The following RERE variants were observed in gnomAD, a reference collection of about 807,000 sequenced individuals.
RERE encodes the protein arginine-glutamic acid dipeptide repeats, also known as arginine-glutamic acid dipeptide repeats protein.
RERE carries 40 observed loss-of-function variants against 146.1 expected under a neutral mutation model. That is an observed-to-expected ratio of 0.27 (90% CI 0.21 to 0.36). RERE has a LOEUF of 0.36. RERE is among the 10% of genes least tolerant of loss of function. The pLI is 1.00. For synonymous variants in RERE, 1,003 were observed against 866.0 expected (o/e 1.16, Z -2.78); for missense variants, 1,933 against 2,138.7 (o/e 0.90, Z 1.90).
chr1:8,403,526 C>G (rs1047001032), intron 12 of RERE, among the ~76,000 whole-genome samples: 1 of 151,310 alleles, frequency 6.6e-6, no homozygotes, highest in Admixed American at 6.6e-5. Flanking sequence ...CCACCACACC[C>G]AGCTAATTTT....
chr1:8,362,613 G>A lies in RERE; in HGVS notation c.1902+70C>T, dbSNP rs778092834. 116 of 1,586,486 alleles carry A rather than the reference G, an allele frequency of 7.3e-5. 1 individual carries two copies. Among genetic ancestry groups the A allele is most frequent in the Non-Finnish European group, 8.9e-5 (103 of 1,157,292 alleles). On this transcript the variant is annotated intron_variant, in intron 16 of 22. Transcript: ENST00000400908. ...CCTCGTGTCTGAGGGAGCTGATCAC[G>A]AATACCAGCAAACCAGTTTTAATGT...
At chr1:8,561,707 A>G (rs930520091) in intron 4 of RERE, among the ~76,000 whole-genome samples, 6 of 152,216 alleles carry the variant, frequency 3.9e-5, no homozygotes, top group Admixed American at 3.3e-4. Flanking sequence ...TTAAAATGTC[A>G]CCTTCAGTGG....
intron 11 of RERE, among the ~76,000 whole-genome samples, chr1:8,451,276 C>A (rs1644387525): frequency 6.6e-6 from 1 of 152,128 alleles, no homozygotes; most frequent in Admixed American, 6.5e-5. Context: ...ACTAAAAATA[C>A]AAAAATTAGC....
intron 10 of RERE, among the ~76,000 whole-genome samples, chr1:8,469,045 C>A (rs902510518): frequency 3.9e-5 from 6 of 151,950 alleles, no homozygotes; most frequent in Non-Finnish European, 8.8e-5. Flanking sequence ...CATTTTTGTG[C>A]CTTAATTTTG....
intron 7 of RERE, among the ~76,000 whole-genome samples, chr1:8,524,924 G>C (rs868283847): frequency 2.0e-5 from 3 of 152,160 alleles, no homozygotes; most frequent in African/African-American, 7.2e-5. Flanking sequence ...CTCCATTTAA[G>C]AGAATAGAAT....
At chr1:8,448,718 A>G (rs2124051574) in intron 11 of RERE, among the ~76,000 whole-genome samples, 1 of 152,294 alleles carries the variant, frequency 6.6e-6, no homozygotes, top group East Asian at 1.9e-4. Context: ...AATCCCAGCT[A>G]CTTGGGAGGC....
intron 1 of RERE, among the ~76,000 whole-genome samples, chr1:8,666,015 A>C (rs905346356): frequency 2.0e-5 from 3 of 152,158 alleles, no homozygotes; most frequent in African/African-American, 7.2e-5. Flanking sequence ...TATGTGTGAG[A>C]CCTAGGATAT....
Position 8,530,651 on chromosome 1 carries a change from T to C in RERE, c.830+10563A>G, listed in dbSNP as rs200281265. ...TTTCATTTACTAATTGCCCCGCATATCTAGACATGGAACTGAGTTTTCGTT... is the reference window on the plus strand; with the variant it reads ...TTTCATTTACTAATTGCCCCGCATACCTAGACATGGAACTGAGTTTTCGTT... On this transcript the variant is annotated intron_variant, in intron 7 of 22. Transcript: ENST00000400908. 4.0e-5 allele frequency among the ~76,000 whole-genome samples: 6 copies of C among 151,762 alleles called. No individual in the cohort carries two copies. The East Asian group carries it at 1.2e-3, about 29-fold the overall frequency.
At position 8,360,732 on chromosome 1, in the gene RERE, C is replaced by T. The variant is rs761772702; in HGVS notation, c.2775G>A (p.Met925Ile). ...TGGTAGGCGGGGGCTTGATGTGGGG[C>T]ATGGCCAAGGGCGCTGGTGGCAGGG... ...EQPLPPAPLA[M>I]PHIKPPPTTP... is the part of the protein sequence containing the mutation. Residue 925 changes from methionine (M) to isoleucine (I), a missense_variant, in exon 18 of 23, where the codon ATG becomes ATA. Transcript: ENST00000400908. 2.6e-5 allele frequency: 42 copies of T among 1,593,688 alleles called. 1 individual carries two copies. The highest frequency in any genetic ancestry group is 3.4e-5 in the Non-Finnish European group (40 of 1,172,814).
intron 1 of RERE, among the ~76,000 whole-genome samples, chr1:8,788,275 A>G (rs561978130): frequency 6.6e-6 from 1 of 152,324 alleles, no homozygotes; most frequent in South Asian, 2.1e-4. Flanking sequence ...AATGTGTTAT[A>G]ATAACATCAT....
At chr1:8,457,897 A>C (rs1003440493) in intron 11 of RERE, among the ~76,000 whole-genome samples, 2 of 152,122 alleles carry the variant, frequency 1.3e-5, no homozygotes, top group Non-Finnish European at 2.9e-5. Flanking sequence ...CTCTGCGCCT[A>C]GCCTAAGGGA....
chr1:8,383,270 A>C (rs994049501), intron 12 of RERE, among the ~76,000 whole-genome samples: 2 of 151,618 alleles, frequency 1.3e-5, no homozygotes, highest in Non-Finnish European at 1.5e-5. Context: ...GCCACCTAAG[A>C]AGCCTGTCTC....
chr1:8,538,195 T>C (rs77402305), intron 7 of RERE, among the ~76,000 whole-genome samples: 8 of 152,268 alleles, frequency 5.3e-5, no homozygotes, highest in African/African-American at 1.9e-4. Flanking sequence ...CAGAAGAACT[T>C]TGACATTTCC....
At chr1:8,465,701 T>C (rs1306078617) in intron 11 of RERE, 1 of 627,862 alleles carries the variant, frequency 1.6e-6, no homozygotes, top group Non-Finnish European at 3.0e-6. Context: ...TCCATGAAAG[T>C]TGGACAATCT....
At chr1:8,728,652 A>C (rs751070023) in intron 1 of RERE, among the ~76,000 whole-genome samples, 2 of 152,166 alleles carry the variant, frequency 1.3e-5, no homozygotes, top group Non-Finnish European at 2.9e-5. Flanking sequence ...ATACCATAAC[A>C]CCAAAAAGCA....
intron 1 of RERE, among the ~76,000 whole-genome samples, chr1:8,774,946 T>C (rs1201371949): frequency 2.5e-5 from 2 of 80,124 alleles, no homozygotes; most frequent in Non-Finnish European, 5.0e-5. Context: ...ATTTCTTCTT[T>C]CTTTCTTTTT....
At chr1:8,576,117 G>A (rs1347768417) in intron 4 of RERE, among the ~76,000 whole-genome samples, 2 of 151,980 alleles carry the variant, frequency 1.3e-5, no homozygotes, top group Non-Finnish European at 2.9e-5. Flanking sequence ...TTGACTTGAG[G>A]GCTACATCAG....
chr1:8,630,201 G>A (rs548942859), intron 2 of RERE, among the ~76,000 whole-genome samples: 10 of 152,150 alleles, frequency 6.6e-5, no homozygotes, highest in African/African-American at 2.2e-4. Flanking sequence ...TGGAAACAAC[G>A]CTGAAATCCC....
At chr1:8,556,632 T>A (rs1646010743) in intron 5 of RERE, 61 bp from the exon 6 acceptor site, 5 of 1,060,296 alleles carry the variant, frequency 4.7e-6, no homozygotes, top group Non-Finnish European at 7.2e-6. Flanking sequence ...GTAAAAAAAA[T>A]TTGTAAAACT....
Sources: allele counts gnomAD v4.1 joint callset (sites outside exome capture counted in the v4.1 genomes callset), GRCh38; gene constraint gnomAD v4.1.1; transcripts MANE v1.5; gene names NCBI Gene and HGNC (gene_info 2026-07-23, HGNC 2026-07-21).